The following FBXO25 variants were observed in gnomAD, a reference collection of about 807,000 sequenced individuals.
FBXO25 encodes F-box only protein 25.
A neutral mutation model predicts 51.9 loss-of-function variants in FBXO25; 45 were observed. That is an observed-to-expected ratio of 0.87 (90% CI 0.68 to 1.11). The LOEUF (loss-of-function observed/expected upper bound fraction) is 1.11, where lower values mean the gene tolerates loss of function less well. Among genes scored for constraint, FBXO25 ranks in the 50% most tolerant of loss-of-function variants. FBXO25 has a pLI of 0.00. For missense variants in FBXO25, 507 were observed against 428.5 expected (o/e 1.18, Z -1.62); for synonymous variants, 199 against 151.0 (o/e 1.32, Z -2.33).
In FBXO25 at chr8:477,475, C is replaced by CAA. The variant is rs1800678962; in HGVS notation, c.*8673_*8674dup. The CAA allele has an allele frequency of 6.6e-6, 1 of 152,162 alleles. No homozygotes were observed. Among genetic ancestry groups the CAA allele is most frequent in the Non-Finnish European group, 1.5e-5 (1 of 68,042 alleles). The allele number at this position is 152,162 out of a possible 1,614,324, so 9.4% of individuals were successfully genotyped here. On this transcript the variant is annotated 3_prime_UTR_variant, in exon 10 of 10. Transcript: ENST00000350302. ...TATATATTACATCTTGGTGAATTTT[C>CAA]AAACTTTTTAAATTTCAACATGAAG...
Position 471,019 on chromosome 8 carries a change from T to C in FBXO25, c.*2215T>C, listed in dbSNP as rs1459137324. 1 of 152,240 alleles carries C rather than the reference T, an allele frequency of 6.6e-6. No individual in the cohort carries two copies. The highest frequency in any genetic ancestry group is 1.5e-5 in the Non-Finnish European group (1 of 68,036). The allele number at this position is 152,240 out of a possible 1,614,324, so 9.4% of individuals were successfully genotyped here. A position where few individuals can be genotyped will look rare whatever the true frequency, so the allele number is the denominator to read the frequency against. ...ACTGTCATTTAATTGTTAGATGTTA[T>C]AACAGTTCTCAGCTGTGCTATCAAA... On this transcript the variant is annotated 3_prime_UTR_variant, in exon 10 of 10. Transcript: ENST00000350302.
chr8:462,868 A>C, intron 8 of FBXO25, 139 bp from the exon 9 acceptor site: 1 of 1,009,088 alleles, frequency 9.9e-7, no homozygotes, highest in South Asian at 1.8e-5. Flanking sequence ...CATGTAACCA[A>C]AACCCACTTG....
At chr8:419,538 G>A (rs1251204110) in intron 2 of FBXO25, among the ~76,000 whole-genome samples, 1 of 152,120 alleles carries the variant, frequency 6.6e-6, no homozygotes, top group Non-Finnish European at 1.5e-5. Flanking sequence ...TGGTGTAAAG[G>A]CACCTCTTAA....
rs1442266399 is a variant in FBXO25 at position 470,853 on chromosome 8, C to T, written c.*2049C>T. 6.6e-6 allele frequency: 1 copy of T among 152,072 alleles called. No homozygotes were observed. Among genetic ancestry groups the T allele is most frequent in the Non-Finnish European group, 1.5e-5 (1 of 68,014 alleles). The allele number at this position is 152,072 out of a possible 1,614,324, so 9.4% of individuals were successfully genotyped here. The stretch of plus-strand genomic sequence containing the variant: ...ATATATTTATTATCCATTTGCTTTT[C>T]TTGTTTTTGGTAAATTACTTAATGT... On this transcript the variant is annotated 3_prime_UTR_variant, in exon 10 of 10. Coordinates refer to ENST00000350302, the MANE Select transcript of FBXO25 (RefSeq NM_183420.2).
chr8:465,933 G>C (rs1247684136), intron 9 of FBXO25, among the ~76,000 whole-genome samples: 1 of 152,134 alleles, frequency 6.6e-6, no homozygotes, highest in African/African-American at 2.4e-5. Context: ...AGTGAACTTT[G>C]TTATCATACT....
chr8:418,976 A>C (rs34905243), intron 2 of FBXO25, among the ~76,000 whole-genome samples: 18,078 of 152,268 alleles, frequency 0.12, 1,126 homozygotes, highest in South Asian at 0.17. Context: ...TAAAGTAGGC[A>C]GATTGCTTAC....
At chr8:418,298 C>A (rs1207912905) in intron 2 of FBXO25, among the ~76,000 whole-genome samples, 1 of 150,808 alleles carries the variant, frequency 6.6e-6, no homozygotes, top group Non-Finnish European at 1.5e-5. Flanking sequence ...TTTTCCTTTC[C>A]CTTTCCTTTC....
chr8:467,536 T>C (rs1341767797), intron 9 of FBXO25, among the ~76,000 whole-genome samples: 1 of 152,248 alleles, frequency 6.6e-6, no homozygotes, highest in Non-Finnish European at 1.5e-5. Context: ...GATGAGAACT[T>C]GTTTGCTTTT....
In FBXO25 at chr8:463,018, T is replaced by C; in HGVS notation, c.855T>C (p.His285=). The change falls in exon 9 of 10, where the codon CAT becomes CAC. Residue 285 remains histidine (H), a synonymous_variant. Transcript: ENST00000350302. ...YHFAEKQFCR[H]LILSEKGHIE... is the part of the protein sequence containing the mutation. ...TTTTGTTTGTTTAGTTTTGTAGACA[T>C]TTGATCCTTTCAGAAAAAGGTCATA... 6.2e-7 allele frequency: 1 copy of C among 1,611,264 alleles called. No homozygotes were observed. The highest frequency in any genetic ancestry group is 8.5e-7 in the Non-Finnish European group (1 of 1,179,452).
chr8:436,037 G>T (rs1798085827), intron 5 of FBXO25, among the ~76,000 whole-genome samples: 1 of 152,210 alleles, frequency 6.6e-6, no homozygotes, highest in African/African-American at 2.4e-5. Flanking sequence ...AACGGTCGTG[G>T]GATCTTTACC....
intron 5 of FBXO25, among the ~76,000 whole-genome samples, chr8:447,398 T>C (rs1379128904): frequency 6.6e-6 from 1 of 152,102 alleles, no homozygotes; most frequent in Non-Finnish European, 1.5e-5. Flanking sequence ...AAGGTGACCG[T>C]CACCGCATGG....
intron 7 of FBXO25, among the ~76,000 whole-genome samples, chr8:451,842 C>T (rs1424740710): frequency 6.6e-6 from 1 of 152,182 alleles, no homozygotes; most frequent in Non-Finnish European, 1.5e-5. Context: ...TTCTTCCTTG[C>T]TGTCTTTTTT....
At chr8:413,662 C>G (rs1467762653) in intron 2 of FBXO25, among the ~76,000 whole-genome samples, 1 of 152,176 alleles carries the variant, frequency 6.6e-6, no homozygotes, top group African/African-American at 2.4e-5. Flanking sequence ...TCTGCCATCC[C>G]AAGAGTGCAG....
intron 5 of FBXO25, among the ~76,000 whole-genome samples, chr8:438,007 G>C (rs553643225): frequency 6.6e-6 from 1 of 151,548 alleles, no homozygotes; most frequent in South Asian, 2.1e-4. Context: ...TTTTCTAATG[G>C]CATTTAGTAA....
intron 1 of FBXO25, chr8:407,331 G>A (rs1796214649): frequency 1.0e-6 from 1 of 973,992 alleles, no homozygotes; most frequent in East Asian, 1.2e-4. Flanking sequence ...GCGTCAGGTG[G>A]GGACGGGATT....
intron 8 of FBXO25, among the ~76,000 whole-genome samples, chr8:462,475 G>A (rs562163064): frequency 1.3e-5 from 2 of 152,266 alleles, no homozygotes; most frequent in South Asian, 4.1e-4. Context: ...CTGTTTAACA[G>A]CTGCTTGGTA....
intron 8 of FBXO25, among the ~76,000 whole-genome samples, chr8:460,217 C>A (rs1585097229): frequency 6.6e-6 from 1 of 152,220 alleles, no homozygotes; most frequent in East Asian, 1.9e-4. Context: ...TACATCTAGA[C>A]CCTAAACATA....
chr8:416,341 A>G (rs776635681), intron 2 of FBXO25, among the ~76,000 whole-genome samples: 3 of 152,258 alleles, frequency 2.0e-5, no homozygotes, highest in Non-Finnish European at 4.4e-5. Flanking sequence ...GGAAATCCAG[A>G]GCCATCAGAC....
rs1800499274 is a variant in FBXO25, at chr8:471,962, C to T, written c.*3158C>T. ...CAAACTGTCATATAAGATTTATCAG[C>T]TCTTTTAACACCTTTGTAGATTCCT... On this transcript the variant is annotated 3_prime_UTR_variant, in exon 10 of 10. Transcript: ENST00000350302. The T allele has an allele frequency of 6.6e-6, 1 of 152,234 alleles. No individual in the cohort carries two copies. Among genetic ancestry groups the T allele is most frequent in the Non-Finnish European group, 1.5e-5 (1 of 68,038 alleles). 9.4% of individuals were successfully genotyped at this position (152,234 alleles called of 1,614,324 possible). A position where few individuals can be genotyped will look rare whatever the true frequency, so the allele number is the denominator to read the frequency against.
Sources: gnomAD v4.1 joint callset for allele counts (sites outside exome capture counted in the v4.1 genomes callset) on GRCh38, gnomAD v4.1.1 for gene constraint, MANE v1.5 for transcripts, NCBI Gene and HGNC (gene_info 2026-07-23, HGNC 2026-07-21) for gene names.